Variants in RELN observed in about 807,000 individuals in gnomAD.
RELN encodes the protein reelin.
Under a neutral mutation model 427.6 loss-of-function variants are expected in RELN, and 108 were observed. That is an observed-to-expected ratio of 0.25 (90% CI 0.22 to 0.30). The LOEUF is 0.30. RELN is among the 10% of genes least tolerant of loss of function. The pLI, the probability that RELN is intolerant of heterozygous loss-of-function variation, is 1.00. For missense variants in RELN, 3,715 were observed against 4,302.8 expected, an observed-to-expected ratio of 0.86 and a Z score of 3.82; for synonymous variants, 1,524 against 1,513.4, an observed-to-expected ratio of 1.01 and a Z score of -0.16.
At chr7:103,624,168 A>AT (rs1459695830) in intron 20 of RELN, among the ~76,000 whole-genome samples, 1 of 152,114 alleles carries the variant, frequency 6.6e-6, no homozygotes, top group Non-Finnish European at 1.5e-5. Flanking sequence ...TATACAAATA[A>AT]TTTTTTCTTG....
chr7:103,743,770 T>C (rs13312059), intron 6 of RELN, among the ~76,000 whole-genome samples: 33,218 of 152,060 alleles, frequency 0.22, 4,787 homozygotes, highest in African/African-American at 0.41. Flanking sequence ...AAGCAAGTCC[T>C]GAGTGACCTA....
chr7:103,850,825 T>C (rs2116462491), intron 2 of RELN, among the ~76,000 whole-genome samples: 1 of 152,196 alleles, frequency 6.6e-6, no homozygotes, highest in South Asian at 2.1e-4. Flanking sequence ...AATAAAAAAA[T>C]CAAAACACAG....
chr7:103,658,080 T>C (rs1165252008), intron 12 of RELN, among the ~76,000 whole-genome samples: 1 of 152,134 alleles, frequency 6.6e-6, no homozygotes, highest in East Asian at 1.9e-4. Flanking sequence ...AATACACGAA[T>C]GAGTTGATGT....
At position 103,753,238 on chromosome 7, in the gene RELN, A is replaced by C. The variant is rs78148514; in HGVS notation, c.545-24T>G. Reference sequence around the variant, plus strand: ...AGCTGAATCAAGAGAGGAAAGAAGAAAGACAACTGATCAGGAATGAAAGCA... The same window carrying C: ...AGCTGAATCAAGAGAGGAAAGAAGACAGACAACTGATCAGGAATGAAAGCA... On this transcript the variant is annotated intron_variant, in intron 4 of 64. Transcript: ENST00000428762. 3,859 of 1,613,734 alleles carry C rather than the reference A, an allele frequency of 2.4e-3. 75 individuals are homozygous for C. The African/African-American group carries it at 0.045, about 19-fold the overall frequency.
At chr7:103,627,941 A>G (rs1832362745) in intron 20 of RELN, 1 of 152,224 alleles carries the variant, frequency 6.6e-6, no homozygotes, top group Non-Finnish European at 1.5e-5. Context: ...CAAGTGTTAA[A>G]TTAAAATGCT....
intron 3 of RELN, among the ~76,000 whole-genome samples, chr7:103,818,377 T>A (rs965991348): frequency 1.3e-5 from 2 of 152,208 alleles, no homozygotes; most frequent in Admixed American, 1.3e-4. Flanking sequence ...TCTTAATTAA[T>A]GTGATGACTG....
chr7:103,536,326 T>C (rs539394834), intron 45 of RELN, among the ~76,000 whole-genome samples: 1 of 152,316 alleles, frequency 6.6e-6, no homozygotes, highest in East Asian at 1.9e-4. Context: ...TTTATTTCTC[T>C]CTCCCTATTC....
At chr7:103,480,911 A>G (rs948621990) in intron 63 of RELN, among the ~76,000 whole-genome samples, 9 of 152,228 alleles carry the variant, frequency 5.9e-5, no homozygotes, top group African/African-American at 2.2e-4. Context: ...TCAGGATAAG[A>G]GCCTGGTATA....
intron 2 of RELN, among the ~76,000 whole-genome samples, chr7:103,911,852 G>T (rs1368043136): frequency 1.5e-3 from 196 of 127,574 alleles, no homozygotes; most frequent in African/African-American, 5.4e-3. Context: ...TGGGGACTGT[G>T]GTGGGGTGGG....
At chr7:103,763,028 ATAT>A (rs1249871768) in intron 4 of RELN, among the ~76,000 whole-genome samples, 2 of 152,246 alleles carry the variant, frequency 1.3e-5, no homozygotes, top group Non-Finnish European at 2.9e-5. Flanking sequence ...AAAAGAACAC[ATAT>A]TATTCAGGAG....
chr7:103,800,586 G>T (rs1792437961), intron 3 of RELN, among the ~76,000 whole-genome samples: 1 of 152,040 alleles, frequency 6.6e-6, no homozygotes, highest in South Asian at 2.1e-4. Context: ...AATTCAAGAT[G>T]GATTAAAGAC....
chr7:103,896,892 A>G lies in RELN; in HGVS notation c.337+20183T>C, dbSNP rs118159637. On this transcript the variant is annotated intron_variant, in intron 2 of 64. Transcript: ENST00000428762. ...ATTAGTCTGTTCTCATGCTGCTAATAAAGACATACCTGAGACTGCATAACT... is the reference window on the plus strand; with the variant it reads ...ATTAGTCTGTTCTCATGCTGCTAATGAAGACATACCTGAGACTGCATAACT... Among the ~76,000 whole-genome samples the G allele has an allele frequency of 2.4e-3, 368 of 152,222 alleles. 3 individuals are homozygous for G. In the East Asian group the frequency reaches 0.029, roughly 12 times the overall value.
rs77138108 is a variant in RELN at position 103,527,872 on chromosome 7, T to C, written c.7350-4341A>G. On this transcript the variant is annotated intron_variant, in intron 46 of 64. Coordinates refer to ENST00000428762, the MANE Select transcript of RELN (RefSeq NM_005045.4). ...AGGGAAATGTCAATGAGAACCACAA[T>C]GAGATACAACCTCACACCCATGAAG... Among the ~76,000 whole-genome samples, 552 of 152,250 alleles carry C rather than the reference T, an allele frequency of 3.6e-3. 5 individuals are homozygous for C. Among genetic ancestry groups the C allele is most frequent in the African/African-American group, 0.012 (515 of 41,538 alleles).
intron 6 of RELN, among the ~76,000 whole-genome samples, chr7:103,745,796 G>A (rs1308808507): frequency 1.3e-5 from 2 of 152,028 alleles, no homozygotes; most frequent in Non-Finnish European, 2.9e-5. Context: ...AACATTCCAT[G>A]CTCATGGGTA....
intron 11 of RELN, among the ~76,000 whole-genome samples, chr7:103,667,000 T>G (rs959617364): frequency 6.6e-6 from 1 of 152,236 alleles, no homozygotes; most frequent in African/African-American, 2.4e-5. Context: ...CATCCTGAAC[T>G]GCCTAAGTTT....
chr7:103,532,539 T>C (rs1476094962), intron 46 of RELN, among the ~76,000 whole-genome samples: 1 of 152,170 alleles, frequency 6.6e-6, no homozygotes, highest in African/African-American at 2.4e-5. Context: ...AACAGGCTTT[T>C]AAGTGTTCCT....
At chr7:103,711,489 T>C (rs1196524689) in intron 8 of RELN, among the ~76,000 whole-genome samples, 1 of 152,214 alleles carries the variant, frequency 6.6e-6, no homozygotes, top group Non-Finnish European at 1.5e-5. Flanking sequence ...TCAAATGTAT[T>C]TAATGACAGG....
At chr7:103,511,383 C>T (rs6972433) in intron 50 of RELN, among the ~76,000 whole-genome samples, 1,707 of 152,028 alleles carry the variant, frequency 0.011, 36 homozygotes, top group African/African-American at 0.038. Context: ...TACAGTGTCT[C>T]GTTTATTAGG....
chr7:103,746,995 C>G (rs1371379660), intron 6 of RELN, among the ~76,000 whole-genome samples: 1 of 152,132 alleles, frequency 6.6e-6, no homozygotes, highest in Non-Finnish European at 1.5e-5. Context: ...TTCACAATAG[C>G]AAAGACTTGG....
Sources: gnomAD v4.1 joint callset for allele counts (sites outside exome capture counted in the v4.1 genomes callset) on GRCh38, gnomAD v4.1.1 for gene constraint, MANE v1.5 for transcripts, NCBI Gene and HGNC (gene_info 2026-07-23, HGNC 2026-07-21) for gene names.